The following MFNG variants were observed in gnomAD, a reference collection of about 807,000 sequenced individuals.
The protein encoded by MFNG is beta-1,3-N-acetylglucosaminyltransferase manic fringe.
MFNG carries 24 observed loss-of-function variants against 34.2 expected under a neutral mutation model. The ratio of observed to expected loss-of-function variants is 0.70; its 90% CI spans 0.51 to 0.99. MFNG has a LOEUF of 0.99. Ranked by LOEUF, MFNG falls within the 50% of genes least tolerant of loss-of-function variation. The pLI is 0.00. For missense variants in MFNG, 383 were observed against 424.0 expected, an observed-to-expected ratio of 0.90 and a Z score of 0.85; for synonymous variants, 158 against 179.2, an observed-to-expected ratio of 0.88 and a Z score of 0.94.
intron 4 of MFNG, 140 bp downstream of exon 4, chr22:37,479,205 A>T: frequency 1.2e-6 from 1 of 836,210 alleles, no homozygotes; most frequent in Middle Eastern, 3.7e-4. Context: ...GAAGAGGGGA[A>T]GCTACCAGCC....
Position 37,486,259 on chromosome 22 carries a change from A to C in MFNG, c.-82T>G. 7.1e-7 allele frequency: 1 copy of C among 1,405,916 alleles called. No homozygotes were observed. The highest frequency in any genetic ancestry group is 9.3e-7 in the Non-Finnish European group (1 of 1,074,582). 87.1% of individuals were successfully genotyped at this position (1,405,916 alleles called of 1,614,324 possible). A position where few individuals can be genotyped will look rare whatever the true frequency, so the allele number is the denominator to read the frequency against. On this transcript the variant is annotated 5_prime_UTR_variant, in exon 1 of 8. Transcript: ENST00000356998. ...GGGAAGCTGGTCAGGCAGGGGCTCC[A>C]GCAGAGGCAAAAGTCTGGCAGGCAT...
rs758327571 is a variant in MFNG at position 37,486,168 on chromosome 22, G to A, written c.10C>T (p.Arg4Trp). ...GCTCCAGCCAGGCCCCGCGGGAGCCGGCACTGCATTGGTTGGCCCTGGGAC... is the reference window on the plus strand; with the variant it reads ...GCTCCAGCCAGGCCCCGCGGGAGCCAGCACTGCATTGGTTGGCCCTGGGAC... MQC[R>W]LPRGLAGALL... Residue 4 changes from arginine to tryptophan, a missense_variant, in exon 1 of 8, where the codon CGG becomes TGG. Physicochemically the swap from Arg to Trp is moderately radical, Grantham distance 101. Coordinates refer to ENST00000356998, the MANE Select transcript of MFNG (RefSeq NM_002405.4). The A allele has an allele frequency of 3.2e-6, 5 of 1,574,998 alleles. No individual in the cohort carries two copies. The highest frequency in any genetic ancestry group is 2.3e-5 in the South Asian group (2 of 87,912).
At chr22:37,475,616 T>C (rs2091409088) in intron 5 of MFNG, among the ~76,000 whole-genome samples, 1 of 152,150 alleles carries the variant, frequency 6.6e-6, no homozygotes, top group Non-Finnish European at 1.5e-5. Context: ...ACCCCATTAA[T>C]GCCGCTGCCC....
intron 7 of MFNG, 62 bp downstream of exon 7, chr22:37,472,381 T>G: frequency 4.7e-6 from 6 of 1,271,576 alleles, no homozygotes; most frequent in Non-Finnish European, 6.5e-6. Context: ...AGCTCCCCCA[T>G]GTTTGGATGC....
intron 7 of MFNG, among the ~76,000 whole-genome samples, chr22:37,471,704 G>A (rs539139036): frequency 6.6e-5 from 10 of 152,124 alleles, no homozygotes; most frequent in South Asian, 2.1e-4. Context: ...GGTGGCAGGC[G>A]CCTGTAATCC....
Position 37,479,372 on chromosome 22 carries a change from G to A in MFNG, c.534C>T (p.Ala178=), listed in dbSNP as rs752799622. 28 of 1,601,402 alleles carry A rather than the reference G, an allele frequency of 1.7e-5. No individual in the cohort carries two copies. In the Admixed American group the frequency reaches 4.3e-4, roughly 25 times the overall value. ...GRPSLNRPIH[A]SEPQPHNRTR... ...TGCGGTTGTGGGGCTGTGGCTCTGA[G>A]GCATGGATGGGCCGGTTCAGGCTGG... The change falls in exon 4 of 8, where the codon GCC becomes GCT. Residue 178 remains alanine, a synonymous_variant. Coordinates refer to ENST00000356998, the MANE Select transcript of MFNG (RefSeq NM_002405.4).
chr22:37,472,572 T>C, intron 6 of MFNG, 44 bp from the exon 7 acceptor site: 1 of 1,508,424 alleles, frequency 6.6e-7, no homozygotes, highest in East Asian at 2.5e-5. Flanking sequence ...ACACTGGGGA[T>C]CCCCACAAGG....
chr22:37,469,844 C>T lies in MFNG; in HGVS notation c.*119G>A, dbSNP rs928021763. ...CTCAGATCCTGGGCTTGCCAACCACCCGAAGGCCCTGCCAGGGACTGCCTA... is the reference window on the plus strand; with the variant it reads ...CTCAGATCCTGGGCTTGCCAACCACTCGAAGGCCCTGCCAGGGACTGCCTA... On this transcript the variant is annotated 3_prime_UTR_variant, in exon 8 of 8. Transcript: ENST00000356998. The T allele has an allele frequency of 1.2e-6, 1 of 860,312 alleles. No individual in the cohort carries two copies. The highest frequency in any genetic ancestry group is 1.7e-5 in the African/African-American group (1 of 59,904). The allele number at this position is 860,312 out of a possible 1,614,324, so 53.3% of individuals were successfully genotyped here.
rs375488573 is a variant in MFNG at position 37,485,610 on chromosome 22, C to T, written c.255+313G>A. 5.9e-5 allele frequency among the ~76,000 whole-genome samples: 9 copies of T among 152,162 alleles called. No homozygotes were observed. Among genetic ancestry groups the T allele is most frequent in the Non-Finnish European group, 7.3e-5 (5 of 68,028 alleles). On this transcript the variant is annotated intron_variant, in intron 1 of 7. Coordinates refer to ENST00000356998, the MANE Select transcript of MFNG (RefSeq NM_002405.4). This position sits in a 1 kb window ranked among gnomAD's most constrained non-coding sequence, Gnocchi z 5.3. ...TGGGTGGCTAGGAGCGAAGCCCCCA[C>T]GGGAGCGGCTAGGAATAGAAGAACC...
At chr22:37,474,340 T>C (rs748892012) in intron 6 of MFNG, among the ~76,000 whole-genome samples, 172 bp downstream of exon 6, 22 of 152,186 alleles carry the variant, frequency 1.4e-4, no homozygotes, top group Non-Finnish European at 2.4e-4. Context: ...CTGTGTACCC[T>C]TAGGGTGTCC....
chr22:37,480,817 C>T, intron 1 of MFNG, 48 bp from the exon 2 acceptor site: 1 of 1,560,328 alleles, frequency 6.4e-7, no homozygotes, highest in East Asian at 2.3e-5. Flanking sequence ...CCAAGGGACA[C>T]CCCAGACCAA....
Position 37,470,158 on chromosome 22 carries a change from T to G in MFNG, c.900-129A>C, listed in dbSNP as rs1190753717. The G allele has an allele frequency of 4.6e-6, 3 of 652,460 alleles. No individual in the cohort carries two copies. The African/African-American group carries it at 5.4e-5, about 12-fold the overall frequency. The allele number at this position is 652,460 out of a possible 1,614,324, so 40.4% of individuals were successfully genotyped here. A position where few individuals can be genotyped will look rare whatever the true frequency, so the allele number is the denominator to read the frequency against. On this transcript the variant is annotated intron_variant, in intron 7 of 7. Coordinates refer to ENST00000356998, the MANE Select transcript of MFNG (RefSeq NM_002405.4). ...TCTCTACCTCAACACCACTAACACT[T>G]AGGGCCAGAGAATTCTTTGTTGTGG...
In MFNG at chr22:37,479,582, T is replaced by A. The variant is rs1922198446; in HGVS notation, c.408-84A>T. The A allele has an allele frequency of 1.9e-6, 3 of 1,542,732 alleles. No individual in the cohort carries two copies. In the African/African-American group the frequency reaches 4.1e-5, roughly 21 times the overall value. On this transcript the variant is annotated intron_variant, in intron 3 of 7. Coordinates refer to ENST00000356998, the MANE Select transcript of MFNG (RefSeq NM_002405.4). ...AAGCACCCCCACAGTCGGTCAACAG[T>A]GACGGAATGGGGGTAGGGGTGGGAG...
rs762874288 is a variant in MFNG at position 37,479,419 on chromosome 22, G to C, written c.487C>G (p.Arg163Gly). 1.9e-6 allele frequency: 3 copies of C among 1,608,948 alleles called. No individual in the cohort carries two copies. The highest frequency in any genetic ancestry group is 2.7e-5 in the African/African-American group (2 of 74,500). Residue 163 changes from arginine (R) to glycine (G), a missense_variant, in exon 4 of 8, where the codon CGC (arginine) becomes GGC (glycine). Physicochemically the swap from Arg to Gly is moderately radical, Grantham distance 125. Transcript: ENST00000356998. The stretch of plus-strand genomic sequence containing the variant: ...CTGGGCCTTCCCACATAGACGTCGC[G>C]GGCCAGCGGGAAGGCTCTCAGAAGC... Reference protein sequence around the residue: ...LQLLRAFPLARDVYVGRPSLN... With the variant: ...LQLLRAFPLAGDVYVGRPSLN...
Position 37,479,268 on chromosome 22 carries a change from C to T in MFNG, c.561+77G>A, listed in dbSNP as rs986004196. ...CCCAGAACCCCTCTCACCTCTCTAG[C>T]ACACCCCCACCCCCAGGACCGGCCC... On this transcript the variant is annotated intron_variant, in intron 4 of 7. Transcript: ENST00000356998. 3 of 1,453,138 alleles carry T rather than the reference C, an allele frequency of 2.1e-6. No individual in the cohort carries two copies. In the African/African-American group the frequency reaches 4.4e-5, roughly 21 times the overall value. 90.0% of individuals were successfully genotyped at this position (1,453,138 alleles called of 1,614,324 possible).
At position 37,486,382 on chromosome 22, in the gene MFNG, G is replaced by T; in HGVS notation, c.-205C>A. The T allele has an allele frequency of 2.1e-6, 1 of 465,568 alleles. No homozygotes were observed. Among genetic ancestry groups the T allele is most frequent in the Non-Finnish European group, 3.5e-6 (1 of 283,656 alleles). 28.8% of individuals were successfully genotyped at this position (465,568 alleles called of 1,614,324 possible). A position where few individuals can be genotyped will look rare whatever the true frequency, so the allele number is the denominator to read the frequency against. On this transcript the variant is annotated 5_prime_UTR_variant, in exon 1 of 8. Coordinates refer to ENST00000356998, the MANE Select transcript of MFNG (RefSeq NM_002405.4). ...CTCGACCGCCGCCAGTCCTCCACCTGCTCCCGCTGTCCGGCCTGCCGCAGC... is the reference window on the plus strand; with the variant it reads ...CTCGACCGCCGCCAGTCCTCCACCTTCTCCCGCTGTCCGGCCTGCCGCAGC...
At chr22:37,474,763 G>T in intron 5 of MFNG, 86 bp from the exon 6 acceptor site, 1 of 1,443,290 alleles carries the variant, frequency 6.9e-7, no homozygotes, top group Non-Finnish European at 9.3e-7. Flanking sequence ...CCTCCACTGG[G>T]ACAAGCTGGC....
chr22:37,477,949 G>A (rs1264577551), intron 4 of MFNG, among the ~76,000 whole-genome samples: 1 of 152,184 alleles, frequency 6.6e-6, no homozygotes, highest in East Asian at 1.9e-4. Context: ...GCCAGGAGGT[G>A]GCAGGGCTGC....
intron 3 of MFNG, among the ~76,000 whole-genome samples, 163 bp from the exon 4 acceptor site, chr22:37,479,661 A>T (rs888328023): frequency 6.6e-6 from 1 of 152,138 alleles, no homozygotes; most frequent in Non-Finnish European, 1.5e-5. Context: ...GTGTAAGCTC[A>T]TGAGGAGGGT....
Sources: allele counts gnomAD v4.1 joint callset (sites outside exome capture counted in the v4.1 genomes callset), GRCh38; gene constraint gnomAD v4.1.1; non-coding constraint Gnocchi (gnomAD v3.1); transcripts MANE v1.5; gene names NCBI Gene and HGNC (gene_info 2026-07-23, HGNC 2026-07-21).